Variants in HERC2 observed in about 807,000 individuals in gnomAD.
HERC2 encodes the protein E3 ubiquitin-protein ligase HERC2.
A neutral mutation model predicts 537.7 loss-of-function variants in HERC2; 102 were observed. The ratio of observed to expected loss-of-function variants is 0.19; its 90% CI spans 0.16 to 0.22. The LOEUF (loss-of-function observed/expected upper bound fraction) is 0.22, where lower values mean the gene tolerates loss of function less well. Among genes scored for constraint, HERC2 ranks in the 10% least tolerant of loss-of-function variants. The probability of loss-of-function intolerance (pLI) is 1.00; values close to 1 mark genes in which losing one functional copy is unlikely to be tolerated. For synonymous variants in HERC2, 2,224 were observed against 2,466.2 expected, an observed-to-expected ratio of 0.90 and a Z score of 2.91; for missense variants, 4,236 against 6,198.2, an observed-to-expected ratio of 0.68 and a Z score of 10.63.
intron 5 of HERC2, among the ~76,000 whole-genome samples, 173 bp from the exon 6 acceptor site, chr15:28,275,178 C>T (rs2075838630): frequency 6.6e-6 from 1 of 152,328 alleles, no homozygotes; most frequent in East Asian, 1.9e-4. Flanking sequence ...CATCAAATGT[C>T]TTTTGTAAAG....
chr15:28,226,281 C>T (rs1164966176), intron 35 of HERC2, among the ~76,000 whole-genome samples: 3 of 152,056 alleles, frequency 2.0e-5, no homozygotes, highest in African/African-American at 7.3e-5. Flanking sequence ...AAAAGCCAGC[C>T]TTGAAGTTCA....
chr15:28,249,056 T>C (rs2240203), intron 20 of HERC2, among the ~76,000 whole-genome samples: 34,030 of 152,216 alleles, frequency 0.22, 7,594 homozygotes, highest in African/African-American at 0.56. Flanking sequence ...TTCCCAATGT[T>C]TAAGGAATGT....
intron 55 of HERC2, among the ~76,000 whole-genome samples, chr15:28,188,430 G>C (rs1042576540): frequency 6.6e-6 from 1 of 151,956 alleles, no homozygotes; most frequent in Non-Finnish European, 1.5e-5. Flanking sequence ...TATAGTCCCA[G>C]CTACTCGGGA....
At chr15:28,131,819 A>T (rs1487948328) in intron 81 of HERC2, among the ~76,000 whole-genome samples, 1 of 152,164 alleles carries the variant, frequency 6.6e-6, no homozygotes, top group Non-Finnish European at 1.5e-5. Flanking sequence ...ACATGCTATA[A>T]ACCAGGAGGC....
chr15:28,275,039 C>G lies in HERC2; in HGVS notation c.543-34G>C, dbSNP rs569712323. ...GACACACACGGAACATACAACCAGT[C>G]AGCAGCAGAGGGTGCAGATACTACA... On this transcript the variant is annotated intron_variant, in intron 5 of 92. Coordinates refer to ENST00000261609, the MANE Select transcript of HERC2 (RefSeq NM_004667.6). The G allele has an allele frequency of 5.7e-6, 8 of 1,406,604 alleles. No individual in the cohort carries two copies. In the African/African-American group the frequency reaches 9.8e-5, roughly 17 times the overall value. 87.1% of individuals were successfully genotyped at this position (1,406,604 alleles called of 1,614,324 possible). A position where few individuals can be genotyped will look rare whatever the true frequency, so the allele number is the denominator to read the frequency against.
intron 68 of HERC2, among the ~76,000 whole-genome samples, chr15:28,167,296 G>A (rs2142486995): frequency 6.6e-6 from 1 of 152,336 alleles, no homozygotes; most frequent in Admixed American, 6.5e-5. Context: ...AAAGAATTCT[G>A]CACCGTTCCT....
chr15:28,175,488 C>A (rs767738597), intron 64 of HERC2, 24 bp downstream of exon 64: 9 of 1,594,880 alleles, frequency 5.6e-6, no homozygotes, highest in Middle Eastern at 3.3e-4. Context: ...TGGCACGCCA[C>A]CCCCAGGCCA....
intron 9 of HERC2, among the ~76,000 whole-genome samples, chr15:28,271,471 A>C (rs2075726500): frequency 6.6e-6 from 1 of 152,188 alleles, no homozygotes; most frequent in African/African-American, 2.4e-5. Flanking sequence ...GATCGAGACC[A>C]TCCTGGGTAA....
rs879499898 is a variant in HERC2 at position 28,199,146 on chromosome 15, C to CA, written c.7717-378dup. On this transcript the variant is annotated intron_variant, in intron 48 of 92. Coordinates refer to ENST00000261609, the MANE Select transcript of HERC2 (RefSeq NM_004667.6). ...TGAGTGACAAAGTGAGACCCCATCT[C>CA]AAAAAAAAAAAAGAATTTCATCTAG... is the stretch of plus-strand genomic sequence containing the variant. Among the ~76,000 whole-genome samples the CA allele has an allele frequency of 6.1e-3, 816 of 133,880 alleles. 5 individuals carry two copies. Among genetic ancestry groups the CA allele is most frequent in the African/African-American group, 0.018 (672 of 36,584 alleles). 87.8% of individuals were successfully genotyped at this position (133,880 alleles called of 152,430 possible). A position where few individuals can be genotyped will look rare whatever the true frequency, so the allele number is the denominator to read the frequency against.
At position 28,114,635 on chromosome 15, in the gene HERC2, G is replaced by A. The variant is rs1390364622; in HGVS notation, c.13890C>T (p.Tyr4630=). 11 of 1,613,820 alleles carry A rather than the reference G, an allele frequency of 6.8e-6. No homozygotes were observed. The highest frequency in any genetic ancestry group is 1.7e-4 in the Middle Eastern group (1 of 6,012). ...THITLDNRAE[Y]VRLAINYRLH... ...ACCTATAGTTTATCGCCAGCCGCAC[G>A]TACTCCGCGCGGTTGTCCAGGGTGA... Residue 4630 remains tyrosine (Y), a synonymous_variant, in exon 90 of 93, where the codon TAC becomes TAT. Transcript: ENST00000261609.
chr15:28,227,254 G>A (rs1469491618), intron 35 of HERC2, among the ~76,000 whole-genome samples: 1 of 150,694 alleles, frequency 6.6e-6, no homozygotes, highest in Non-Finnish European at 1.5e-5. Context: ...CAGCCTAGGC[G>A]ACGGAGTGAG....
At position 28,275,078 on chromosome 15, in the gene HERC2, A is replaced by T. The variant is rs927247226; in HGVS notation, c.543-73T>A. The stretch of plus-strand genomic sequence containing the variant: ...GCAGATACTACATAAAATCAATACT[A>T]TGAAAGGGTGTGTACCAAAATCCGA... On this transcript the variant is annotated intron_variant, in intron 5 of 92. Transcript: ENST00000261609. 32 of 897,216 alleles carry T rather than the reference A, an allele frequency of 3.6e-5. No individual in the cohort carries two copies. In the Middle Eastern group the frequency reaches 8.8e-4, roughly 25 times the overall value. The allele number at this position is 897,216 out of a possible 1,614,324, so 55.6% of individuals were successfully genotyped here. A position where few individuals can be genotyped will look rare whatever the true frequency, so the allele number is the denominator to read the frequency against.
intron 56 of HERC2, 119 bp downstream of exon 56, chr15:28,186,458 G>T (rs549451407): frequency 5.8e-6 from 4 of 686,842 alleles, no homozygotes; most frequent in African/African-American, 1.8e-5. Flanking sequence ...TTTACCAATC[G>T]TGTGGACATA....
In HERC2 at chr15:28,154,916, TC is replaced by T. The variant is rs991397116; in HGVS notation, c.10747-2087del. Among the ~76,000 whole-genome samples, 316 of 85,128 alleles carry T rather than the reference TC, an allele frequency of 3.7e-3. 1 individual carries two copies. Among genetic ancestry groups the T allele is most frequent in the African/African-American group, 0.015 (302 of 20,368 alleles). The allele number at this position is 85,128 out of a possible 152,430, so 55.8% of individuals were successfully genotyped here. A position where few individuals can be genotyped will look rare whatever the true frequency, so the allele number is the denominator to read the frequency against. On this transcript the variant is annotated intron_variant, in intron 69 of 92. Transcript: ENST00000261609. ...ATCTCCTAATGCTATCCCTCCCCCC[TC>T]CCCCCACCCCAAAACAGGCCCTGGT...
intron 4 of HERC2, among the ~76,000 whole-genome samples, chr15:28,288,848 CAA>C (rs374534381): frequency 2.7e-4 from 20 of 74,880 alleles, no homozygotes; most frequent in Non-Finnish European, 1.6e-4. Flanking sequence ...AACTCCATCT[CAA>C]AAAAAAAAAA....
In HERC2 at chr15:28,177,214, T is replaced by C. The variant is rs1895372052; in HGVS notation, c.9255-87A>G. 1 of 1,354,998 alleles carries C rather than the reference T, an allele frequency of 7.4e-7. No homozygotes were observed. Among genetic ancestry groups the C allele is most frequent in the African/African-American group, 1.5e-5 (1 of 68,748 alleles). The allele number at this position is 1,354,998 out of a possible 1,614,324, so 83.9% of individuals were successfully genotyped here. A position where few individuals can be genotyped will look rare whatever the true frequency, so the allele number is the denominator to read the frequency against. On this transcript the variant is annotated intron_variant, in intron 60 of 92. Coordinates refer to ENST00000261609, the MANE Select transcript of HERC2 (RefSeq NM_004667.6). This position sits in a 1 kb window ranked among gnomAD's most constrained non-coding sequence, Gnocchi z 5.0. Reference sequence around the variant, plus strand: ...AAAGACATCTATACTGATCCACATGTAGTCAACACAGGATCCACAGATCAA... The same window carrying C: ...AAAGACATCTATACTGATCCACATGCAGTCAACACAGGATCCACAGATCAA...
At chr15:28,304,190 A>C (rs1381750543) in intron 2 of HERC2, among the ~76,000 whole-genome samples, 4 of 150,938 alleles carry the variant, frequency 2.7e-5, no homozygotes, top group African/African-American at 7.3e-5. Context: ...AAAAAAAAAA[A>C]AACAGAGAAA....
rs757001643 is a variant in HERC2, at chr15:28,272,935, C to G, written c.870G>C (p.Leu290=). 6.2e-7 allele frequency: 1 copy of G among 1,612,204 alleles called. No individual in the cohort carries two copies. Among genetic ancestry groups the G allele is most frequent in the South Asian group, 1.1e-5 (1 of 91,008 alleles). The part of the protein sequence containing the change: ...SIPLQDQHLA[L]AILLELAVQR... ...GCACAGCCAGCTCCAGCAGGATGGCCAGGGCCAAGTGCTGGTCCTGCAGGG... is the reference window on the plus strand; with the variant it reads ...GCACAGCCAGCTCCAGCAGGATGGCGAGGGCCAAGTGCTGGTCCTGCAGGG... The change falls in exon 8 of 93, where the codon CTG becomes CTC. Residue 290 remains leucine (L), a synonymous_variant. Coordinates refer to ENST00000261609, the MANE Select transcript of HERC2 (RefSeq NM_004667.6).
intron 52 of HERC2, among the ~76,000 whole-genome samples, chr15:28,195,480 T>C (rs1278748637): frequency 6.6e-6 from 1 of 152,052 alleles, no homozygotes; most frequent in Non-Finnish European, 1.5e-5. Context: ...AAAAGTGATA[T>C]ATGCATACAG....
Sources: gnomAD v4.1 joint callset for allele counts (sites outside exome capture counted in the v4.1 genomes callset) on GRCh38, gnomAD v4.1.1 for gene constraint, Gnocchi (gnomAD v3.1) non-coding constraint, MANE v1.5 for transcripts, NCBI Gene and HGNC (gene_info 2026-07-23, HGNC 2026-07-21) for gene names.